The following ANK2 variants were observed in gnomAD, a reference collection of about 807,000 sequenced individuals.
ANK2 encodes the protein ankyrin 2.
In ANK2, 83 loss-of-function variants were observed where a neutral mutation model predicts 360.5. That is an observed-to-expected ratio of 0.23 (90% CI 0.19 to 0.28). The LOEUF is 0.28. ANK2 is among the 10% of genes least tolerant of loss of function. The pLI, the probability that ANK2 is intolerant of heterozygous loss-of-function variation, is 1.00. For synonymous variants in ANK2, 1,740 were observed against 1,759.5 expected, an observed-to-expected ratio of 0.99 and a Z score of 0.28; for missense variants, 4,201 against 4,795.7, an observed-to-expected ratio of 0.88 and a Z score of 3.66.
chr4:112,796,038 G>A, the ANK2 span, among the ~76,000 whole-genome samples: 1 of 151,996 alleles, frequency 6.6e-6, no homozygotes, highest in East Asian at 1.9e-4. Context: ...GGACTCAAGT[G>A]GTCCACCTGC....
chr4:112,996,398 AT>A (rs1287046819), intron 2 of ANK2, among the ~76,000 whole-genome samples: 2 of 152,060 alleles, frequency 1.3e-5, no homozygotes, highest in Non-Finnish European at 2.9e-5. Flanking sequence ...ATATATGCAA[AT>A]TTTTATGCTT....
intron 1 of ANK2, among the ~76,000 whole-genome samples, chr4:113,131,317 G>A (rs1166814265): frequency 6.6e-6 from 1 of 152,166 alleles, no homozygotes; most frequent in East Asian, 1.9e-4. Context: ...CTGCCCTGAA[G>A]CATAGCCTCT....
At chr4:113,047,801 G>C (rs146990371), upstream of ANK2, among the ~76,000 whole-genome samples, 1 of 152,240 alleles carries the variant, frequency 6.6e-6, no homozygotes, top group East Asian at 1.9e-4. Flanking sequence ...AGGGTGGAGG[G>C]AGTGAGGGGC....
At chr4:112,850,440 C>G (rs28804527) in intron 1 of ANK2, among the ~76,000 whole-genome samples, 1 of 52,768 alleles carries the variant, frequency 1.9e-5, no homozygotes, top group Non-Finnish European at 3.6e-5. Flanking sequence ...AGTTGTTGTT[C>G]GTTTCTTTTT....
At chr4:112,958,052 G>A (rs1342937417) in intron 2 of ANK2, among the ~76,000 whole-genome samples, 2 of 151,354 alleles carry the variant, frequency 1.3e-5, no homozygotes, top group Non-Finnish European at 2.9e-5. Context: ...CCGGGAAGAG[G>A]CGCTCCTCAC....
intron 2 of ANK2, among the ~76,000 whole-genome samples, chr4:112,967,905 A>T (rs1342653131): frequency 6.6e-6 from 1 of 152,208 alleles, no homozygotes; most frequent in Non-Finnish European, 1.5e-5. Context: ...TGTGGAATCC[A>T]TCGTCCTTCA....
rs557165094 is a variant in ANK2, at chr4:113,350,362, A to G, written c.4426+113A>G. On this transcript the variant is annotated intron_variant, in intron 37 of 45. Transcript: ENST00000357077. ...TAACCACTATAGTAATTACATTTTTATATTATCCTTATTAATCATTAATAT... is the reference window on the plus strand; with the variant it reads ...TAACCACTATAGTAATTACATTTTTGTATTATCCTTATTAATCATTAATAT... 2.0e-4 allele frequency: 169 copies of G among 845,850 alleles called. No individual in the cohort carries two copies. In the African/African-American group the frequency reaches 2.7e-3, roughly 14 times the overall value. The allele number at this position is 845,850 out of a possible 1,614,324, so 52.4% of individuals were successfully genotyped here. A position where few individuals can be genotyped will look rare whatever the true frequency, so the allele number is the denominator to read the frequency against.
chr4:112,824,545 C>T (rs921903719), intron 1 of ANK2, among the ~76,000 whole-genome samples: 1 of 151,526 alleles, frequency 6.6e-6, no homozygotes, highest in African/African-American at 2.4e-5. Flanking sequence ...TGCTCTGTCA[C>T]CCAGGCTGGA....
chr4:113,357,859 G>A lies in ANK2; in HGVS notation c.9241G>A (p.Asp3081Asn), dbSNP rs1198648495. The stretch of plus-strand genomic sequence containing the variant: ...CAGACAATCACAGGGTACCACCCCT[G>A]ACACCACTCCTGCTAGGACCCCAAC... ...VDRQSQGTTP[D>N]TTPARTPTEE... The change falls in exon 38 of 46, where the codon GAC becomes AAC. Residue 3081 changes from aspartate (D) to asparagine (N), a missense_variant. Coordinates refer to ENST00000357077, the MANE Select transcript of ANK2 (RefSeq NM_001148.6). The A allele has an allele frequency of 3.7e-6, 6 of 1,614,056 alleles. No homozygotes were observed. In the South Asian group the frequency reaches 6.6e-5, roughly 18 times the overall value.
chr4:113,097,877 C>T (rs201611165), intron 1 of ANK2, among the ~76,000 whole-genome samples: 2,636 of 131,724 alleles, frequency 0.02, 70 homozygotes, highest in East Asian at 0.086. Flanking sequence ...TATATATATG[C>T]ACACACACAC....
At chr4:113,237,508 G>A (rs1342980803) in intron 6 of ANK2, 91 bp from the exon 7 acceptor site, 9 of 1,284,058 alleles carry the variant, frequency 7.0e-6, no homozygotes, top group African/African-American at 1.5e-5. Flanking sequence ...TGTTGGAACA[G>A]TATACCCAAT....
At chr4:112,721,816 T>C in the ANK2 span, among the ~76,000 whole-genome samples, 2 of 152,098 alleles carry the variant, frequency 1.3e-5, no homozygotes, top group Non-Finnish European at 1.5e-5. Context: ...AGAAAAGATA[T>C]CAAAAGCAAT....
intron 1 of ANK2, among the ~76,000 whole-genome samples, chr4:113,095,646 A>G (rs573669706): frequency 6.6e-6 from 1 of 152,346 alleles, no homozygotes; most frequent in East Asian, 1.9e-4. Context: ...AATCTAGGTT[A>G]CAATAAGTGA....
chr4:113,119,628 G>A (rs777791576), intron 1 of ANK2, among the ~76,000 whole-genome samples: 3 of 152,050 alleles, frequency 2.0e-5, no homozygotes, highest in Non-Finnish European at 4.4e-5. Context: ...CATCATAAGG[G>A]AAAGCATCAG....
intron 1 of ANK2, among the ~76,000 whole-genome samples, chr4:113,122,796 TCTCTTCTTAG>T (rs1166189200): frequency 8.5e-5 from 13 of 152,072 alleles, no homozygotes; most frequent in Admixed American, 5.9e-4. Flanking sequence ...TCCTCTGATT[TCTCTTCTTAG>T]CTCAGTTCAC....
chr4:113,034,292 A>G (rs976537976), intron 2 of ANK2, among the ~76,000 whole-genome samples: 4 of 152,014 alleles, frequency 2.6e-5, no homozygotes, highest in Non-Finnish European at 4.4e-5. Flanking sequence ...TATTTAGCTT[A>G]TAACCTGATG....
the ANK2 span, among the ~76,000 whole-genome samples, chr4:112,754,323 G>A: frequency 0.02 from 3,004 of 150,884 alleles, 105 homozygotes; most frequent in African/African-American, 0.07. Context: ...GCCCCTTTCT[G>A]GGCCCCGGTT....
intron 2 of ANK2, among the ~76,000 whole-genome samples, chr4:112,907,244 A>C (rs2085547133): frequency 6.6e-6 from 1 of 152,194 alleles, no homozygotes; most frequent in African/African-American, 2.4e-5. Context: ...TTTGAATTAT[A>C]AGAAGGTTAA....
In ANK2 at chr4:113,278,422, A is replaced by G; in HGVS notation, c.1783-38A>G. 6 of 1,589,914 alleles carry G rather than the reference A, an allele frequency of 3.8e-6. No individual in the cohort carries two copies. The South Asian group carries it at 6.6e-5, about 18-fold the overall frequency. On this transcript the variant is annotated intron_variant, in intron 16 of 45. Coordinates refer to ENST00000357077, the MANE Select transcript of ANK2 (RefSeq NM_001148.6). ...TGGTAGCTTCAGGGCAGCTAACCCT[A>G]ATTTATTAATGCTGAAACTTAAACA...
Sources: allele counts gnomAD v4.1 joint callset (sites outside exome capture counted in the v4.1 genomes callset), GRCh38; gene constraint gnomAD v4.1.1; transcripts MANE v1.5; gene names NCBI Gene and HGNC (gene_info 2026-07-23, HGNC 2026-07-21).